POLR3K: variants seen among roughly 807,000 people sequenced by gnomAD.
The protein encoded by POLR3K is DNA-directed RNA polymerase III subunit RPC10.
Under a neutral mutation model 13.5 loss-of-function variants are expected in POLR3K, and 11 were observed. The observed-to-expected ratio is 0.81, with a 90% CI of 0.51 to 1.35. POLR3K has a LOEUF of 1.35. Ranked by LOEUF, POLR3K falls within the 40% of genes most tolerant of loss-of-function variation. The pLI is 0.00. For missense variants in POLR3K, 144 were observed against 145.3 expected (o/e 0.99, Z 0.05); for synonymous variants, 56 against 51.5 (o/e 1.09, Z -0.38).
intron 2 of POLR3K, 37 bp from the exon 3 acceptor site, chr16:47,594 A>T: frequency 1.9e-6 from 3 of 1,603,826 alleles, no homozygotes; most frequent in Non-Finnish European, 2.6e-6. Context: ...ACATTTAAAA[A>T]AAGATGCTAC....
chr16:47,518 A>T lies in POLR3K; in HGVS notation c.239T>A (p.Met80Lys), dbSNP rs1286106342. Residue 80 changes from methionine to lysine, a missense_variant, in exon 3 of 3, where the codon ATG becomes AAG. Coordinates refer to ENST00000293860, the MANE Select transcript of POLR3K (RefSeq NM_016310.5). Reference sequence around the variant, plus strand: ...ATCTGCAGAGCGGGTCTGAAGCTGCATGAAGTAAGCACGAGGATGTTCGCA... The same window carrying T: ...ATCTGCAGAGCGGGTCTGAAGCTGCTTGAAGTAAGCACGAGGATGTTCGCA... Reference protein sequence around the residue: ...PKCEHPRAYFMQLQTRSADEP... With the variant: ...PKCEHPRAYFKQLQTRSADEP... 1.2e-6 allele frequency: 2 copies of T among 1,613,332 alleles called. No individual in the cohort carries two copies. Among genetic ancestry groups the T allele is most frequent in the East Asian group, 4.5e-5 (2 of 44,822 alleles).
chr16:53,479 G>A lies in POLR3K; in HGVS notation c.108C>T (p.Arg36=). 6.2e-7 allele frequency: 1 copy of A among 1,609,818 alleles called. No individual in the cohort carries two copies. The highest frequency in any genetic ancestry group is 1.7e-5 in the Admixed American group (1 of 59,452). The change falls in exon 1 of 3, where the codon CGC becomes CGT. Residue 36 remains arginine, a synonymous_variant. Transcript: ENST00000293860. ...NTCPYVHNIT[R]KVTNRKYPKL... ...AGCGCCGGCCTTCGGGTCCCACCTT[G>A]CGGGTGATGTTGTGCACGTAGGGGC... is the stretch of plus-strand genomic sequence containing the variant.
chr16:50,284 C>A (rs1897320573), intron 2 of POLR3K, among the ~76,000 whole-genome samples: 1 of 151,834 alleles, frequency 6.6e-6, no homozygotes, highest in African/African-American at 2.4e-5. Context: ...AGGGGGAAAA[C>A]CACAGTACTA....
intron 2 of POLR3K, among the ~76,000 whole-genome samples, chr16:48,889 C>G (rs1009159208): frequency 2.6e-5 from 4 of 151,736 alleles, no homozygotes; most frequent in African/African-American, 9.7e-5. Flanking sequence ...TATGGTGGCT[C>G]TTGCCTGTAA....
chr16:48,406 G>A (rs1465918033), intron 2 of POLR3K, among the ~76,000 whole-genome samples: 7 of 152,188 alleles, frequency 4.6e-5, no homozygotes, highest in Non-Finnish European at 1.0e-4. Context: ...CATGGAAGGT[G>A]ACTGTTTTGG....
At chr16:50,919 A>G (rs1897325472) in intron 2 of POLR3K, among the ~76,000 whole-genome samples, 1 of 152,374 alleles carries the variant, frequency 6.6e-6, no homozygotes, top group African/African-American at 2.4e-5. Flanking sequence ...ACAGAGCAGC[A>G]GGAGACAGAA....
chr16:49,797 G>C (rs889108458), intron 2 of POLR3K, among the ~76,000 whole-genome samples: 8 of 149,810 alleles, frequency 5.3e-5, no homozygotes, highest in Non-Finnish European at 1.0e-4. Flanking sequence ...GCACCACCAC[G>C]CTCAGCTACT....
In POLR3K at chr16:46,898, T is replaced by G. The variant is rs929287086; in HGVS notation, c.*532A>C. On this transcript the variant is annotated 3_prime_UTR_variant, in exon 3 of 3. Coordinates refer to ENST00000293860, the MANE Select transcript of POLR3K (RefSeq NM_016310.5). Reference sequence around the variant, plus strand: ...TTAACATTTTCGTAGCCTGTTCAAATGTAAGTATGTAGTCTATTCTGGGAT... The same window carrying G: ...TTAACATTTTCGTAGCCTGTTCAAAGGTAAGTATGTAGTCTATTCTGGGAT... 6.6e-6 allele frequency: 1 copy of G among 152,182 alleles called. No homozygotes were observed. The allele number at this position is 152,182 out of a possible 1,614,324, so 9.4% of individuals were successfully genotyped here. A position where few individuals can be genotyped will look rare whatever the true frequency, so the allele number is the denominator to read the frequency against.
chr16:48,379 G>C (rs1282162351), intron 2 of POLR3K, among the ~76,000 whole-genome samples: 1 of 152,152 alleles, frequency 6.6e-6, no homozygotes, highest in Non-Finnish European at 1.5e-5. Flanking sequence ...CCAGCTGAAG[G>C]CTGGTTGGAA....
chr16:47,447 G>A lies in POLR3K; in HGVS notation c.310C>T (p.His104Tyr), dbSNP rs147498968. Residue 104 changes from histidine (H) to tyrosine (Y), a missense_variant, in exon 3 of 3, where the codon CAC (histidine) becomes TAC (tyrosine). Coordinates refer to ENST00000293860, the MANE Select transcript of POLR3K (RefSeq NM_016310.5). ...FYKCCNAQCG[H>Y]RWRD ...TCCTGGCCCTAATCCCTCCAGCGGT[G>A]TCCACACTGAGCATTGCAGCACTTG... is the stretch of plus-strand genomic sequence containing the variant. 1 of 1,613,060 alleles carries A rather than the reference G, an allele frequency of 6.2e-7. No individual in the cohort carries two copies. Among genetic ancestry groups the A allele is most frequent in the Non-Finnish European group, 8.5e-7 (1 of 1,179,380 alleles).
chr16:50,943 G>C (rs1486947119), intron 2 of POLR3K, among the ~76,000 whole-genome samples: 1 of 152,194 alleles, frequency 6.6e-6, no homozygotes, highest in Admixed American at 6.5e-5. Context: ...GTGCGAGCAG[G>C]GGAAACGCAA....
intron 2 of POLR3K, among the ~76,000 whole-genome samples, chr16:49,965 T>C (rs1897317717): frequency 6.6e-6 from 1 of 151,398 alleles, no homozygotes; most frequent in Non-Finnish European, 1.5e-5. Flanking sequence ...CAGATTTGTA[T>C]GTTCTTTTTT....
At chr16:48,573 A>G (rs964194618) in intron 2 of POLR3K, among the ~76,000 whole-genome samples, 3 of 152,156 alleles carry the variant, frequency 2.0e-5, no homozygotes, top group African/African-American at 7.2e-5. Flanking sequence ...GGACTTTGGG[A>G]GGCCAAGGCA....
Position 53,578 on chromosome 16 carries a change from C to T in POLR3K, c.9G>A (p.Leu3=), listed in dbSNP as rs550404473. 4 of 1,612,264 alleles carry T rather than the reference C, an allele frequency of 2.5e-6. No homozygotes were observed. Among genetic ancestry groups the T allele is most frequent in the African/African-American group, 2.7e-5 (2 of 74,982 alleles). ML[L]FCPGCGNGLI... is the part of the protein sequence containing the mutation. Reference sequence around the variant, plus strand: ...GCCCGTTCCCGCAGCCGGGGCAGAACAGCAGCATGGTCTCGAACTCCGCAG... The same window carrying T: ...GCCCGTTCCCGCAGCCGGGGCAGAATAGCAGCATGGTCTCGAACTCCGCAG... Residue 3 remains leucine, a synonymous_variant, in exon 1 of 3, where the codon CTG becomes CTA. Coordinates refer to ENST00000293860, the MANE Select transcript of POLR3K (RefSeq NM_016310.5).
chr16:48,034 T>G (rs1437117850), intron 2 of POLR3K, among the ~76,000 whole-genome samples: 1 of 148,396 alleles, frequency 6.7e-6, no homozygotes, highest in African/African-American at 2.5e-5. Flanking sequence ...GGATTACAGT[T>G]GCCCGCCACC....
intron 1 of POLR3K, 68 bp downstream of exon 1, chr16:53,408 G>A (rs1272868696): frequency 6.5e-7 from 1 of 1,527,090 alleles, no homozygotes; most frequent in Non-Finnish European, 8.8e-7. Context: ...CGGCGATGGA[G>A]CAGCAGTCGG....
intron 1 of POLR3K, among the ~76,000 whole-genome samples, chr16:52,741 G>A (rs1247574200): frequency 7.4e-6 from 1 of 135,858 alleles, no homozygotes; most frequent in African/African-American, 2.8e-5. Flanking sequence ...ACTCCAGCCT[G>A]GGCGACAGAG....
chr16:53,594 A>C lies in POLR3K; in HGVS notation c.-8T>G. The C allele has an allele frequency of 2.5e-6, 4 of 1,607,270 alleles. No individual in the cohort carries two copies. The highest frequency in any genetic ancestry group is 3.4e-6 in the Non-Finnish European group (4 of 1,177,054). ...GGGGCAGAACAGCAGCATGGTCTCG[A>C]ACTCCGCAGGCTCCAACTCCCGGCA... On this transcript the variant is annotated 5_prime_UTR_variant, in exon 1 of 3. Transcript: ENST00000293860.
chr16:47,639 T>G, intron 2 of POLR3K, 82 bp from the exon 3 acceptor site: 1 of 1,469,852 alleles, frequency 6.8e-7, no homozygotes, highest in South Asian at 1.2e-5. Flanking sequence ...ACTTAATATG[T>G]GGGAGGCCAA....
Sources: gnomAD v4.1 joint callset for allele counts (sites outside exome capture counted in the v4.1 genomes callset) on GRCh38, gnomAD v4.1.1 for gene constraint, MANE v1.5 for transcripts, NCBI Gene and HGNC (gene_info 2026-07-23, HGNC 2026-07-21) for gene names.